TRIM56: variants seen among roughly 807,000 people sequenced by gnomAD.
TRIM56 encodes E3 ubiquitin-protein ligase TRIM56.
In TRIM56, 10 loss-of-function variants were observed where a neutral mutation model predicts 17.1. The ratio of observed to expected loss-of-function variants is 0.58; its 90% CI spans 0.36 to 0.99. TRIM56 has a LOEUF of 0.99. TRIM56 is among the 50% of genes least tolerant of loss of function. The probability of loss-of-function intolerance (pLI) is 0.01; values close to 1 mark genes in which losing one functional copy is unlikely to be tolerated. For missense variants in TRIM56, 923 were observed against 1,052.3 expected (o/e 0.88, Z 1.70); for synonymous variants, 503 against 473.5 (o/e 1.06, Z -0.81).
Position 101,089,631 on chromosome 7 carries a change from A to G in TRIM56, c.*51A>G. ...AGTGGGGAGGGAGAGGGCAGGAAGG[A>G]GGCAGAGCTGTCCGTGGGAGGTGGA... On this transcript the variant is annotated 3_prime_UTR_variant, in exon 3 of 3. Transcript: ENST00000306085. The G allele has an allele frequency of 6.5e-7, 1 of 1,529,860 alleles. No individual in the cohort carries two copies. Among genetic ancestry groups the G allele is most frequent in the South Asian group, 1.2e-5 (1 of 82,206 alleles). The allele number at this position is 1,529,860 out of a possible 1,614,324, so 94.8% of individuals were successfully genotyped here. A position where few individuals can be genotyped will look rare whatever the true frequency, so the allele number is the denominator to read the frequency against.
At chr7:101,087,267 G>C in intron 2 of TRIM56, 45 bp from the exon 3 acceptor site, 1 of 1,543,798 alleles carries the variant, frequency 6.5e-7, no homozygotes, top group South Asian at 1.2e-5. Context: ...GGGTGAGCTG[G>C]TGAAGGTGCC....
In TRIM56 at chr7:101,092,193, C is replaced by G; in HGVS notation, c.*2613C>G. ...CCTCCCAAAGTGCCGAGATTACAGCCTCTGCCCGGCCGCCACCCCCTCTGG... is the reference window on the plus strand; with the variant it reads ...CCTCCCAAAGTGCCGAGATTACAGCGTCTGCCCGGCCGCCACCCCCTCTGG... On this transcript the variant is annotated 3_prime_UTR_variant, in exon 3 of 3. Coordinates refer to ENST00000306085, the MANE Select transcript of TRIM56 (RefSeq NM_030961.3). 9.3e-6 allele frequency: 2 copies of G among 214,246 alleles called. No individual in the cohort carries two copies. Among genetic ancestry groups the G allele is most frequent in the Non-Finnish European group, 9.3e-6 (1 of 107,258 alleles). 13.3% of individuals were successfully genotyped at this position (214,246 alleles called of 1,614,324 possible).
chr7:101,094,095 G>C lies in TRIM56; in HGVS notation c.*4515G>C, dbSNP rs377091195. On this transcript the variant is annotated 3_prime_UTR_variant, in exon 3 of 3. Coordinates refer to ENST00000306085, the MANE Select transcript of TRIM56 (RefSeq NM_030961.3). ...AGGCTGCTCTGTATATTACAGGCAA[G>C]AACTGGAAACTGTTCGGCTGCAGGG... 1 of 152,318 alleles carries C rather than the reference G, an allele frequency of 6.6e-6. No homozygotes were observed. The highest frequency in any genetic ancestry group is 1.9e-4 in the East Asian group (1 of 5,186). 9.4% of individuals were successfully genotyped at this position (152,318 alleles called of 1,614,324 possible).
At position 101,095,739 on chromosome 7, in the gene TRIM56, G is replaced by A. The variant is rs1357206189; in HGVS notation, c.*6159G>A. 6.6e-6 allele frequency: 1 copy of A among 152,208 alleles called. No homozygotes were observed. Among genetic ancestry groups the A allele is most frequent in the East Asian group, 1.9e-4 (1 of 5,200 alleles). 9.4% of individuals were successfully genotyped at this position (152,208 alleles called of 1,614,324 possible). ...TTAAGTTTTCTTCGTAAAGAGGTGA[G>A]GGGGGCGAGAGCAGCAAAGGACACT... is the stretch of plus-strand genomic sequence containing the variant. On this transcript the variant is annotated 3_prime_UTR_variant, in exon 3 of 3. Coordinates refer to ENST00000306085, the MANE Select transcript of TRIM56 (RefSeq NM_030961.3).
Position 101,091,827 on chromosome 7 carries a change from T to C in TRIM56, c.*2247T>C, listed in dbSNP as rs1295751699. 2.5e-6 allele frequency: 1 copy of C among 407,890 alleles called. No homozygotes were observed. Among genetic ancestry groups the C allele is most frequent in the East Asian group, 7.1e-5 (1 of 14,012 alleles). 25.3% of individuals were successfully genotyped at this position (407,890 alleles called of 1,614,324 possible). ...TCTCTTTCCATGGTCACGGTCTCCC[T>C]CTGATGCCGAGCCGAAGCTGGACTG... On this transcript the variant is annotated 3_prime_UTR_variant, in exon 3 of 3. Coordinates refer to ENST00000306085, the MANE Select transcript of TRIM56 (RefSeq NM_030961.3).
In TRIM56 at chr7:101,092,305, G is replaced by A. The variant is rs1233935792; in HGVS notation, c.*2725G>A. On this transcript the variant is annotated 3_prime_UTR_variant, in exon 3 of 3. Coordinates refer to ENST00000306085, the MANE Select transcript of TRIM56 (RefSeq NM_030961.3). ...GGCTGCCCAGTCTGGGAAGTGAGGA[G>A]CGCCTCTTCCTGGCCGCCATCCCAT... 2.3e-5 allele frequency: 4 copies of A among 172,568 alleles called. No homozygotes were observed. The highest frequency in any genetic ancestry group is 6.2e-5 in the Admixed American group (1 of 16,178). The allele number at this position is 172,568 out of a possible 1,614,324, so 10.7% of individuals were successfully genotyped here.
rs1795529143 is a variant in TRIM56, at chr7:101,089,612, G to T, written c.*32G>T. ...TAGGACTAGGGTGAGAGGGAGTGGG[G>T]AGGGAGAGGGCAGGAAGGAGGCAGA... On this transcript the variant is annotated 3_prime_UTR_variant, in exon 3 of 3. Transcript: ENST00000306085. The T allele has an allele frequency of 6.3e-7, 1 of 1,577,426 alleles. No homozygotes were observed. Among genetic ancestry groups the T allele is most frequent in the South Asian group, 1.1e-5 (1 of 87,606 alleles).
intron 1 of TRIM56, among the ~76,000 whole-genome samples, chr7:101,086,082 C>A (rs1057296575): frequency 2.6e-5 from 4 of 152,282 alleles, no homozygotes; most frequent in African/African-American, 7.2e-5. Flanking sequence ...CCACCACCCG[C>A]GATGCTGCCC....
rs757262682 is a variant in TRIM56 at position 101,088,934 on chromosome 7, A to G, written c.1622A>G (p.Lys541Arg). The change falls in exon 3 of 3, where the codon AAG becomes AGG. Residue 541 changes from lysine to arginine, a missense_variant. Transcript: ENST00000306085. ...LKRFSLNGDY[K>R]GTVPVPEGCS... is the part of the protein sequence containing the mutation. ...CGCTTCTCCCTCAACGGCGACTACAAGGGCACCGTGCCGGTCCCTGAGGGC... is the reference window on the plus strand; with the variant it reads ...CGCTTCTCCCTCAACGGCGACTACAGGGGCACCGTGCCGGTCCCTGAGGGC... The G allele has an allele frequency of 5.0e-6, 8 of 1,613,514 alleles. No homozygotes were observed. The highest frequency in any genetic ancestry group is 4.2e-6 in the Non-Finnish European group (5 of 1,180,028).
Position 101,089,189 on chromosome 7 carries a change from C to T in TRIM56, c.1877C>T (p.Pro626Leu), listed in dbSNP as rs1369894623. 6.2e-7 allele frequency: 1 copy of T among 1,613,418 alleles called. No individual in the cohort carries two copies. Among genetic ancestry groups the T allele is most frequent in the African/African-American group, 1.3e-5 (1 of 74,944 alleles). ...MEGSLATRFI[P>L]GGKASRGLRA... is the part of the protein sequence containing the mutation. ...GGCAGCCTGGCCACCCGGTTCATTC[C>T]TGGAGGCAAGGCCAGCCGGGGCCTG... Residue 626 changes from proline (P) to leucine (L), a missense_variant, in exon 3 of 3, where the codon CCT becomes CTT. Physicochemically the swap from Pro to Leu is moderately conservative, Grantham distance 98. This residue lies in a region of TRIM56 where 182 missense variants were observed against 243.1 expected (regional missense o/e 0.75). Coordinates refer to ENST00000306085, the MANE Select transcript of TRIM56 (RefSeq NM_030961.3).
rs768837743 is a variant in TRIM56 at position 101,091,912 on chromosome 7, C to A, written c.*2332C>A. Reference sequence around the variant, plus strand: ...GCCTGATTCTCCTGCCTCAGCCTGCCGAGTGCCTGCGATTGCAGGCGCGCG... The same window carrying A: ...GCCTGATTCTCCTGCCTCAGCCTGCAGAGTGCCTGCGATTGCAGGCGCGCG... On this transcript the variant is annotated 3_prime_UTR_variant, in exon 3 of 3. Coordinates refer to ENST00000306085, the MANE Select transcript of TRIM56 (RefSeq NM_030961.3). 1.6e-5 allele frequency: 5 copies of A among 307,080 alleles called. No individual in the cohort carries two copies. Among genetic ancestry groups the A allele is most frequent in the Non-Finnish European group, 6.4e-6 (1 of 155,398 alleles). The allele number at this position is 307,080 out of a possible 1,614,324, so 19.0% of individuals were successfully genotyped here.
chr7:101,085,932 A>G (rs781251488), intron 1 of TRIM56, among the ~76,000 whole-genome samples: 38 of 152,206 alleles, frequency 2.5e-4, no homozygotes, highest in Non-Finnish European at 5.1e-4. Flanking sequence ...CTAAAAGAAC[A>G]GGACTCCAGG....
Position 101,094,478 on chromosome 7 carries a change from A to T in TRIM56, c.*4898A>T, listed in dbSNP as rs1024774275. 3.3e-5 allele frequency: 5 copies of T among 152,342 alleles called. No individual in the cohort carries two copies. The East Asian group carries it at 9.6e-4, about 29-fold the overall frequency. The allele number at this position is 152,342 out of a possible 1,614,324, so 9.4% of individuals were successfully genotyped here. Reference sequence around the variant, plus strand: ...ATGCTTGATTATTTGCTTCAAGGAAATACACCTTTATAAGTAATACTCAAT... The same window carrying T: ...ATGCTTGATTATTTGCTTCAAGGAATTACACCTTTATAAGTAATACTCAAT... On this transcript the variant is annotated 3_prime_UTR_variant, in exon 3 of 3. Transcript: ENST00000306085.
At position 101,091,668 on chromosome 7, in the gene TRIM56, A is replaced by C. The variant is rs952965938; in HGVS notation, c.*2088A>C. ...TTTGAACCCAGGAGGTGGAAGTTGCAGTGAGCTCAGATCGCACCATTGCAC... is the reference window on the plus strand; with the variant it reads ...TTTGAACCCAGGAGGTGGAAGTTGCCGTGAGCTCAGATCGCACCATTGCAC... On this transcript the variant is annotated 3_prime_UTR_variant, in exon 3 of 3. Transcript: ENST00000306085. The C allele has an allele frequency of 2.3e-6, 1 of 437,168 alleles. No individual in the cohort carries two copies. Among genetic ancestry groups the C allele is most frequent in the Non-Finnish European group, 4.5e-6 (1 of 221,356 alleles). 27.1% of individuals were successfully genotyped at this position (437,168 alleles called of 1,614,324 possible).
Position 101,094,095 on chromosome 7 carries a change from G to A in TRIM56, c.*4515G>A, listed in dbSNP as rs377091195. The A allele has an allele frequency of 6.6e-6, 1 of 152,200 alleles. No individual in the cohort carries two copies. The highest frequency in any genetic ancestry group is 2.4e-5 in the African/African-American group (1 of 41,446). The allele number at this position is 152,200 out of a possible 1,614,324, so 9.4% of individuals were successfully genotyped here. ...AGGCTGCTCTGTATATTACAGGCAA[G>A]AACTGGAAACTGTTCGGCTGCAGGG... On this transcript the variant is annotated 3_prime_UTR_variant, in exon 3 of 3. Transcript: ENST00000306085.
In TRIM56 at chr7:101,088,262, G is replaced by A. The variant is rs755208274; in HGVS notation, c.950G>A (p.Arg317Gln). Residue 317 changes from arginine to glutamine, a missense_variant, in exon 3 of 3, where the codon CGA becomes CAA. Physicochemically the swap from Arg to Gln is conservative, Grantham distance 43. Transcript: ENST00000306085. ...AFARRVLSLG[R>Q]EAEILSLEGA... is the part of the protein sequence containing the mutation. The stretch of plus-strand genomic sequence containing the variant: ...GCCCGCCGGGTACTCAGCCTGGGGC[G>A]AGAGGCCGAGATCCTCTCCCTGGAA... The A allele has an allele frequency of 6.7e-6, 10 of 1,498,016 alleles. No individual in the cohort carries two copies. The East Asian group carries it at 7.0e-5, about 11-fold the overall frequency. The allele number at this position is 1,498,016 out of a possible 1,614,324, so 92.8% of individuals were successfully genotyped here.
Position 101,087,305 on chromosome 7 carries a change from C to T in TRIM56, c.-1-7C>T, listed in dbSNP as rs758848753. The T allele has an allele frequency of 1.9e-6, 3 of 1,608,008 alleles. No homozygotes were observed. The highest frequency in any genetic ancestry group is 2.2e-5 in the South Asian group (2 of 90,690). The stretch of plus-strand genomic sequence containing the variant: ...CTCAACTCTGATCCTGACGCCTCTG[C>T]CTGCAGCATGGTTTCCCACGGGTCC... On this transcript the variant is annotated splice_region_variant and splice_polypyrimidine_tract_variant and intron_variant, in intron 2 of 2. Coordinates refer to ENST00000306085, the MANE Select transcript of TRIM56 (RefSeq NM_030961.3).
chr7:101,086,560 C>CAAA (rs768912765), intron 1 of TRIM56, among the ~76,000 whole-genome samples: 756 of 39,008 alleles, frequency 0.019, 22 homozygotes, highest in Non-Finnish European at 0.029. Context: ...GACTCTGTCT[C>CAAA]AAAAAAAAAA....
rs746836929 is a variant in TRIM56 at position 101,089,007 on chromosome 7, C to T, written c.1695C>T (p.Ser565=). ...VAALQSAVAF[S]ASARLYLINP... is the part of the protein sequence containing the mutation. The stretch of plus-strand genomic sequence containing the variant: ...CCCTGCAGAGCGCGGTGGCCTTCTC[C>T]GCTAGCGCACGGCTCTATCTCATCA... Residue 565 remains serine, a synonymous_variant, in exon 3 of 3, where the codon TCC becomes TCT. Transcript: ENST00000306085. 2.4e-5 allele frequency: 39 copies of T among 1,607,022 alleles called. No homozygotes were observed. The highest frequency in any genetic ancestry group is 5.5e-5 in the South Asian group (5 of 91,016).
Sources: gnomAD v4.1 joint callset for allele counts (sites outside exome capture counted in the v4.1 genomes callset) on GRCh38, gnomAD v4.1.1 for gene constraint, gnomAD v4.1.1 regional missense constraint, MANE v1.5 for transcripts, NCBI Gene and HGNC (gene_info 2026-07-23, HGNC 2026-07-21) for gene names.